Variants in SULT6B1 observed in about 807,000 individuals in gnomAD.
The protein encoded by SULT6B1 is sulfotransferase family 6B member 1, also known as sulfotransferase 6B1.
In SULT6B1, 44 loss-of-function variants were observed where a neutral mutation model predicts 37.2. The ratio of observed to expected loss-of-function variants is 1.18; its 90% confidence interval spans 0.93 to 1.52. The LOEUF (loss-of-function observed/expected upper bound fraction) is 1.52, where lower values mean the gene tolerates loss of function less well. Among genes scored for constraint, SULT6B1 ranks in the 40% most tolerant of loss-of-function variants. The pLI is 0.00. For synonymous variants in SULT6B1, 140 were observed against 126.0 expected, an observed-to-expected ratio of 1.11 and a Z score of -0.74; for missense variants, 450 against 361.0, an observed-to-expected ratio of 1.25 and a Z score of -2.00.
intron 2 of SULT6B1, among the ~76,000 whole-genome samples, chr2:37,184,219 TC>T (rs774443667): frequency 1.1e-4 from 17 of 152,232 alleles, no homozygotes; most frequent in Non-Finnish European, 2.2e-4. Flanking sequence ...TTTCCACAGT[TC>T]CTGCGAATCC....
At chr2:37,186,327 G>A (rs114605981) in intron 2 of SULT6B1, among the ~76,000 whole-genome samples, 2,639 of 152,252 alleles carry the variant, frequency 0.017, 48 homozygotes, top group African/African-American at 0.05. Context: ...TAGGAGTGGG[G>A]AGAGGCTGTC....
At chr2:37,177,283 C>T (rs542050909) in intron 4 of SULT6B1, among the ~76,000 whole-genome samples, 3 of 151,474 alleles carry the variant, frequency 2.0e-5, no homozygotes, top group Admixed American at 1.3e-4. Flanking sequence ...AAATCAGCTG[C>T]GCATGGTGGT....
chr2:37,185,858 C>G (rs1033502234), intron 2 of SULT6B1, among the ~76,000 whole-genome samples: 2 of 152,048 alleles, frequency 1.3e-5, no homozygotes. Flanking sequence ...TGGGGCTTTT[C>G]CTTTATTTCC....
chr2:37,174,395 A>T (rs998897726), intron 5 of SULT6B1, among the ~76,000 whole-genome samples: 2 of 151,404 alleles, frequency 1.3e-5, no homozygotes, highest in Admixed American at 6.6e-5. Context: ...CCTAATTTTT[A>T]AAAATGTGCC....
chr2:37,168,367 A>C lies in SULT6B1; in HGVS notation c.782-302T>G, dbSNP rs546023600. ...GAGATGGGGTTTCGCAATGCTGGCC[A>C]GGCTTGTCTCGAACTCCTGACCTCA... On this transcript the variant is annotated intron_variant, in intron 6 of 6. Transcript: ENST00000535679. Among the ~76,000 whole-genome samples, 4 of 152,280 alleles carry C rather than the reference A, an allele frequency of 2.6e-5. No homozygotes were observed. The East Asian group carries it at 7.7e-4, about 29-fold the overall frequency.
At chr2:37,187,153 T>C (rs1346231910) in intron 2 of SULT6B1, among the ~76,000 whole-genome samples, 1 of 152,256 alleles carries the variant, frequency 6.6e-6, no homozygotes, top group Non-Finnish European at 1.5e-5. Context: ...CCCTAGCATT[T>C]CTATCTTTTG....
At chr2:37,172,794 C>T (rs550864462) in intron 5 of SULT6B1, among the ~76,000 whole-genome samples, 9 of 152,092 alleles carry the variant, frequency 5.9e-5, no homozygotes, top group East Asian at 1.9e-4. Context: ...AGGCGTGAGC[C>T]GCCGTGCCTG....
At chr2:37,174,380 A>G (rs79850801) in intron 5 of SULT6B1, among the ~76,000 whole-genome samples, 3,620 of 151,636 alleles carry the variant, frequency 0.024, 66 homozygotes, top group Middle Eastern at 0.058. Context: ...TACTACAGGT[A>G]CATGCCTAAT....
At chr2:37,179,671 C>G (rs918496196) in intron 3 of SULT6B1, 87 bp from the exon 4 acceptor site, 12 of 1,148,670 alleles carry the variant, frequency 1.0e-5, no homozygotes, top group African/African-American at 4.6e-5. Flanking sequence ...ATCATGTCCA[C>G]TCGTATATTA....
chr2:37,168,325 C>G (rs1676224304), intron 6 of SULT6B1, among the ~76,000 whole-genome samples: 1 of 152,062 alleles, frequency 6.6e-6, no homozygotes, highest in African/African-American at 2.4e-5. Context: ...CCACACCCGG[C>G]TAATGTATTT....
At chr2:37,193,641 A>AGAAGAAGAAGAAGAAGAG (rs1385448118), upstream of SULT6B1, among the ~76,000 whole-genome samples, 7 of 151,574 alleles carry the variant, frequency 4.6e-5, no homozygotes, top group African/African-American at 7.3e-5. Flanking sequence ...AAGAAGAAGA[A>AGAAGAAGAAGAAGAAGAG]GAAGAAGAAG....
intron 5 of SULT6B1, among the ~76,000 whole-genome samples, chr2:37,172,252 G>A (rs1676320450): frequency 6.6e-6 from 1 of 151,978 alleles, no homozygotes; most frequent in Admixed American, 6.6e-5. Context: ...GTTTCGCCAT[G>A]TTGCCCAGGC....
In SULT6B1 at chr2:37,179,585, C is replaced by T. The variant is rs551663828; in HGVS notation, c.403-1G>A. 1 of 1,607,378 alleles carries T rather than the reference C, an allele frequency of 6.2e-7. No homozygotes were observed. The highest frequency in any genetic ancestry group is 1.1e-5 in the South Asian group (1 of 89,514). On this transcript the variant is annotated splice_acceptor_variant, in intron 3 of 6. Transcript: ENST00000535679. LOFTEE classifies it high-confidence loss of function. ...TAGGGTTTCGAAATATCACCAATAT[C>T]TAGGGAGCAAAAATTGAGTTAATTT...
At chr2:37,178,630 G>C (rs1676482754) in intron 4 of SULT6B1, among the ~76,000 whole-genome samples, 1 of 152,092 alleles carries the variant, frequency 6.6e-6, no homozygotes. Flanking sequence ...ATAATGCATA[G>C]ACGACCCCTA....
At chr2:37,194,369 C>T (rs555632451) in intron 1 of SULT6B1, 63 of 353,414 alleles carry the variant, frequency 1.8e-4, no homozygotes, top group South Asian at 1.2e-3. Flanking sequence ...CATGAGCCAC[C>T]GTGCCTGGCT....
intron 5 of SULT6B1, 91 bp downstream of exon 5, chr2:37,175,041 A>G: frequency 1.5e-6 from 1 of 687,638 alleles, no homozygotes. Flanking sequence ...ATTGAACACC[A>G]TATTTGTTTA....
chr2:37,182,429 G>A (rs59380055), intron 3 of SULT6B1, among the ~76,000 whole-genome samples: 1 of 151,778 alleles, frequency 6.6e-6, no homozygotes, highest in East Asian at 1.9e-4. Flanking sequence ...ATTTTTAGTA[G>A]GTTGGTGCAA....
chr2:37,190,072 G>C (rs1473159593), upstream of SULT6B1: 1 of 152,132 alleles, frequency 6.6e-6, no homozygotes, highest in Non-Finnish European at 1.5e-5. Context: ...GAGCATAATT[G>C]TTCATCTTGT....
chr2:37,169,562 T>A (rs561772339), intron 6 of SULT6B1, among the ~76,000 whole-genome samples: 1 of 152,310 alleles, frequency 6.6e-6, no homozygotes, highest in South Asian at 2.1e-4. Flanking sequence ...CAATCTTGGC[T>A]CACTGCAACC....
Sources: gnomAD v4.1 joint callset for allele counts (sites outside exome capture counted in the v4.1 genomes callset) on GRCh38, gnomAD v4.1.1 for gene constraint, MANE v1.5 for transcripts, NCBI Gene and HGNC (gene_info 2026-07-23, HGNC 2026-07-21) for gene names.